The following KCNMA1 variants were observed in gnomAD, a reference collection of about 807,000 sequenced individuals.
KCNMA1 encodes the protein Calcium-activated potassium channel subunit alpha-1.
A neutral mutation model predicts 140.0 loss-of-function variants in KCNMA1; 29 were observed. That is an observed-to-expected ratio of 0.21 (90% confidence interval 0.15 to 0.28). KCNMA1 has a LOEUF of 0.28. Among genes scored for constraint, KCNMA1 ranks in the 10% least tolerant of loss-of-function variants. The pLI, the probability that KCNMA1 is intolerant of heterozygous loss-of-function variation, is 1.00. For synonymous variants in KCNMA1, 612 were observed against 611.9 expected (o/e 1.00, Z 0.00); for missense variants, 880 against 1,602.2 (o/e 0.55, Z 7.70).
chr10:77,278,952 GAA>G (rs1286646651), intron 2 of KCNMA1, among the ~76,000 whole-genome samples: 1 of 152,148 alleles, frequency 6.6e-6, no homozygotes, highest in Non-Finnish European at 1.5e-5. Context: ...AAATACACCT[GAA>G]GATCCCCTCA....
intron 2 of KCNMA1, among the ~76,000 whole-genome samples, chr10:77,383,168 AC>A (rs1480922402): frequency 6.6e-6 from 1 of 151,572 alleles, no homozygotes; most frequent in Non-Finnish European, 1.5e-5. Context: ...CATTCAGAGA[AC>A]CCTGATTTTG....
chr10:76,946,465 C>T (rs1484091469), intron 22 of KCNMA1, among the ~76,000 whole-genome samples: 2 of 152,184 alleles, frequency 1.3e-5, no homozygotes, highest in Non-Finnish European at 2.9e-5. Flanking sequence ...GACTTGGCTG[C>T]AGAGATGGAG....
intron 1 of KCNMA1, among the ~76,000 whole-genome samples, chr10:77,618,177 G>A (rs540473536): frequency 2.0e-5 from 3 of 152,220 alleles, no homozygotes; most frequent in African/African-American, 7.2e-5. Flanking sequence ...AAAGGAGCCG[G>A]GGTCTTTAAT....
rs766180590 is a variant in KCNMA1 at position 76,887,361 on chromosome 10, C to G, written c.3616G>C (p.Val1206Leu). The change falls in exon 28 of 28, where the codon GTT becomes CTT. Residue 1206 changes from valine (V) to leucine (L), a missense_variant. Coordinates refer to ENST00000286628, the MANE Select transcript of KCNMA1 (RefSeq NM_001161352.2). ...TTTGCTGTGGATGGGATGGAGTGAA[C>G]AGAGGAGCTCTTCTTGCTGGAGGAC... ...SQSSSKKSSS[V>L]HSIPSTANRQ... The G allele has an allele frequency of 6.2e-7, 1 of 1,614,074 alleles. No individual in the cohort carries two copies. The highest frequency in any genetic ancestry group is 8.5e-7 in the Non-Finnish European group (1 of 1,180,022).
intron 10 of KCNMA1, among the ~76,000 whole-genome samples, chr10:77,088,338 T>G (rs1376817035): frequency 6.6e-6 from 1 of 152,220 alleles, no homozygotes; most frequent in Non-Finnish European, 1.5e-5. Context: ...TTCAAGAGGT[T>G]AATTAACTGG....
intron 14 of KCNMA1, among the ~76,000 whole-genome samples, chr10:77,061,223 T>C (rs1289913145): frequency 1.3e-5 from 2 of 152,048 alleles, no homozygotes; most frequent in South Asian, 4.1e-4. Flanking sequence ...AAGTTTAAGT[T>C]AAGAAAATGA....
At chr10:76,915,846 G>A (rs117889870) in intron 23 of KCNMA1, among the ~76,000 whole-genome samples, 3 of 152,130 alleles carry the variant, frequency 2.0e-5, no homozygotes, top group Non-Finnish European at 2.9e-5. Context: ...TACTGAGCAC[G>A]GTTTTATGTG....
intron 1 of KCNMA1, chr10:77,636,942 C>T: frequency 7.0e-7 from 1 of 1,418,778 alleles, no homozygotes; most frequent in Non-Finnish European, 9.1e-7. Context: ...CTGTCCCCAC[C>T]CCGCACCACG....
At chr10:77,587,651 A>G in intron 1 of KCNMA1, 4 of 969,068 alleles carry the variant, frequency 4.1e-6, no homozygotes, top group Non-Finnish European at 4.9e-6. Context: ...CGGTGCTCTG[A>G]GGACACCTTC....
rs33988327 is a variant in KCNMA1, at chr10:77,232,886, A to ATT, written c.602+18307_602+18308dup. Among the ~76,000 whole-genome samples, 532 of 132,728 alleles carry ATT rather than the reference A, an allele frequency of 4.0e-3. 9 individuals carry two copies. Among genetic ancestry groups the ATT allele is most frequent in the African/African-American group, 0.013 (466 of 35,802 alleles). The allele number at this position is 132,728 out of a possible 152,430, so 87.1% of individuals were successfully genotyped here. On this transcript the variant is annotated intron_variant, in intron 3 of 27. Coordinates refer to ENST00000286628, the MANE Select transcript of KCNMA1 (RefSeq NM_001161352.2). Reference sequence around the variant, plus strand: ...GTGCCTATCTAGTTATCCCAGCACCATTTTTTTTTTTTTTTTTTGAGACAG... The same window carrying ATT: ...GTGCCTATCTAGTTATCCCAGCACCATTTTTTTTTTTTTTTTTTTTGAGACAG...
At chr10:77,126,246 C>T (rs1008237852) in intron 5 of KCNMA1, among the ~76,000 whole-genome samples, 2 of 152,084 alleles carry the variant, frequency 1.3e-5, no homozygotes, top group African/African-American at 4.8e-5. Flanking sequence ...GAATTACATG[C>T]CCTCCCCAAA....
chr10:77,444,179 G>C (rs1016489166), intron 1 of KCNMA1, among the ~76,000 whole-genome samples: 2 of 152,146 alleles, frequency 1.3e-5, no homozygotes, highest in African/African-American at 4.8e-5. Context: ...GCAAAGGACC[G>C]TTTTGAGACT....
chr10:76,887,020 G>T lies in KCNMA1; in HGVS notation c.*246C>A. 7.3e-7 allele frequency: 1 copy of T among 1,361,490 alleles called. No homozygotes were observed. The highest frequency in any genetic ancestry group is 9.5e-7 in the Non-Finnish European group (1 of 1,049,624). 84.3% of individuals were successfully genotyped at this position (1,361,490 alleles called of 1,614,324 possible). On this transcript the variant is annotated 3_prime_UTR_variant, in exon 28 of 28. Coordinates refer to ENST00000286628, the MANE Select transcript of KCNMA1 (RefSeq NM_001161352.2). ...CTATTTATGTCTGGAGCATGCCTTT[G>T]GGTTATTTTTCCCCCAGAATCATAA... is the stretch of plus-strand genomic sequence containing the variant.
intron 5 of KCNMA1, among the ~76,000 whole-genome samples, chr10:77,175,267 T>C (rs2098743028): frequency 1.3e-5 from 2 of 152,210 alleles, no homozygotes; most frequent in Admixed American, 6.5e-5. Context: ...ACCTGCCACT[T>C]ACTTAGACCC....
At chr10:76,928,295 ACACACACACACACACG>A in intron 23 of KCNMA1, among the ~76,000 whole-genome samples, 1 of 72,130 alleles carries the variant, frequency 1.4e-5, no homozygotes, top group African/African-American at 3.8e-5. Flanking sequence ...GCGCGCACAC[ACACACACACACACACG>A]CACATACACA....
chr10:77,066,934 T>C (rs1012046741), intron 14 of KCNMA1, among the ~76,000 whole-genome samples: 6 of 152,122 alleles, frequency 3.9e-5, no homozygotes, highest in African/African-American at 1.4e-4. Flanking sequence ...TCTTGTCAAC[T>C]CCAACCCTGC....
At chr10:77,201,986 C>T (rs1273434921) in intron 3 of KCNMA1, among the ~76,000 whole-genome samples, 1 of 152,202 alleles carries the variant, frequency 6.6e-6, no homozygotes, top group African/African-American at 2.4e-5. Flanking sequence ...AAACTCTGTC[C>T]TGTTTTTGCA....
chr10:77,120,344 G>C (rs2097568073), intron 6 of KCNMA1, among the ~76,000 whole-genome samples: 1 of 152,176 alleles, frequency 6.6e-6, no homozygotes, highest in Non-Finnish European at 1.5e-5. Flanking sequence ...GTGTTTTCCA[G>C]ATCATAACGC....
intron 9 of KCNMA1, among the ~76,000 whole-genome samples, chr10:77,102,808 G>C: frequency 6.6e-6 from 1 of 152,122 alleles, no homozygotes; most frequent in Admixed American, 6.6e-5. Context: ...AGTCTTTTCT[G>C]GTTTTGCAGC....
Sources: allele counts gnomAD v4.1 joint callset (sites outside exome capture counted in the v4.1 genomes callset), GRCh38; gene constraint gnomAD v4.1.1; transcripts MANE v1.5; gene names NCBI Gene and HGNC (gene_info 2026-07-23, HGNC 2026-07-21).